Variants in DRC9 observed in about 807,000 individuals in gnomAD.
DRC9 encodes the protein dynein regulatory complex protein 9.
At chr3:197,892,550 TTCCTTCCAC>T in the DRC9 span, 1 of 1,556,190 alleles carries the variant, frequency 6.4e-7, no homozygotes, top group African/African-American at 1.4e-5. Context: ...AGTGCCCTAA[TTCCTTCCAC>T]TCCCTCCTCA....
At chr3:197,950,879 A>G in the DRC9 span, 1 of 1,545,346 alleles carries the variant, frequency 6.5e-7, no homozygotes, top group Non-Finnish European at 8.9e-7. Context: ...ACGAGAGGGG[A>G]CGAGGTGGGA....
chr3:197,950,860 G>A, the DRC9 span: 1 of 1,383,652 alleles, frequency 7.2e-7, no homozygotes, highest in Non-Finnish European at 1.0e-6. Flanking sequence ...ATTTGCTTTA[G>A]GGGCTTAAAC....
chr3:197,917,552 C>G, the DRC9 span, among the ~76,000 whole-genome samples: 1 of 152,142 alleles, frequency 6.6e-6, no homozygotes, highest in African/African-American at 2.4e-5. Flanking sequence ...ATTACTGGAC[C>G]TCACTAAGCC....
At chr3:197,897,937 A>ATTT in the DRC9 span, among the ~76,000 whole-genome samples, 15,873 of 132,842 alleles carry the variant, frequency 0.12, 1,028 homozygotes, top group South Asian at 0.17. Flanking sequence ...CGCCCAGCTA[A>ATTT]TTTTTTTTTT....
chr3:197,915,312 G>C, the DRC9 span, among the ~76,000 whole-genome samples: 1 of 151,094 alleles, frequency 6.6e-6, no homozygotes, highest in Admixed American at 6.6e-5. Context: ...TCCAGGAACT[G>C]AAAGAAAGCT....
the DRC9 span, chr3:197,906,248 G>GTTTTA: frequency 6.6e-6 from 1 of 152,112 alleles, no homozygotes; most frequent in Admixed American, 6.5e-5. Flanking sequence ...ACACCCGGCC[G>GTTTTA]CACTTGTCCA....
chr3:197,932,259 G>C, the DRC9 span: 2 of 1,612,672 alleles, frequency 1.2e-6, no homozygotes, highest in South Asian at 2.2e-5. Context: ...GCCGAATCTT[G>C]CAACTCCTTA....
the DRC9 span, among the ~76,000 whole-genome samples, chr3:197,915,352 G>A: frequency 6.6e-6 from 1 of 152,158 alleles, no homozygotes; most frequent in East Asian, 1.9e-4. Flanking sequence ...GAGGGTTGAG[G>A]GGAGGACAGG....
the DRC9 span, chr3:197,950,373 G>C: frequency 8.3e-7 from 1 of 1,210,290 alleles, no homozygotes; most frequent in Non-Finnish European, 1.0e-6. Flanking sequence ...TGGAGGAGAT[G>C]TTGGGCTGAT....
chr3:197,923,878 A>G, the DRC9 span, among the ~76,000 whole-genome samples: 37,191 of 151,912 alleles, frequency 0.24, 5,677 homozygotes, highest in African/African-American at 0.44. Context: ...ACCAGCCTGG[A>G]CAACAAAGCA....
the DRC9 span, chr3:197,953,932 G>A: frequency 1.3e-6 from 2 of 1,544,060 alleles, no homozygotes; most frequent in African/African-American, 1.4e-5. Context: ...AGCCACTCGT[G>A]TAGAGGTCAC....
At chr3:197,943,728 G>A in the DRC9 span, 2 of 1,483,074 alleles carry the variant, frequency 1.3e-6, no homozygotes, top group East Asian at 2.3e-5. Flanking sequence ...TATAAATGAG[G>A]GAGAAATAAA....
At chr3:197,925,724 C>T in the DRC9 span, among the ~76,000 whole-genome samples, 9 of 151,662 alleles carry the variant, frequency 5.9e-5, no homozygotes, top group Non-Finnish European at 1.2e-4. Flanking sequence ...GCTGGGATTA[C>T]GGGCACCTGC....
the DRC9 span, among the ~76,000 whole-genome samples, chr3:197,948,020 C>T: frequency 6.6e-6 from 1 of 151,176 alleles, no homozygotes; most frequent in Non-Finnish European, 1.5e-5. Flanking sequence ...GAAACCTCCC[C>T]CTACCAGGTT....
the DRC9 span, chr3:197,949,869 C>T: frequency 7.6e-6 from 3 of 392,824 alleles, no homozygotes; most frequent in African/African-American, 4.1e-5. Context: ...GCGGGAACAT[C>T]CTCCACTCAG....
At chr3:197,917,627 A>T in the DRC9 span, among the ~76,000 whole-genome samples, 1 of 152,170 alleles carries the variant, frequency 6.6e-6, no homozygotes, top group Non-Finnish European at 1.5e-5. Flanking sequence ...TGCTCAATAA[A>T]TGTTGATGAA....
the DRC9 span, among the ~76,000 whole-genome samples, chr3:197,900,937 G>A: frequency 0.023 from 3,497 of 152,268 alleles, 156 homozygotes; most frequent in African/African-American, 0.08. This position sits in a 1 kb window ranked among gnomAD's most constrained non-coding sequence, Gnocchi z 4.7. Flanking sequence ...TAACCAGCAG[G>A]GGTCCACAGG....
At chr3:197,912,433 C>A in the DRC9 span, 4 of 429,938 alleles carry the variant, frequency 9.3e-6, no homozygotes, top group Admixed American at 1.6e-4. Context: ...ATATAGAAAT[C>A]GAAAAATTTC....
chr3:197,927,014 C>T, the DRC9 span, among the ~76,000 whole-genome samples: 1 of 152,120 alleles, frequency 6.6e-6, no homozygotes, highest in African/African-American at 2.4e-5. Context: ...TGTCGGACAC[C>T]GGAGCCTGTG....
Sources: gnomAD v4.1 joint callset for allele counts (sites outside exome capture counted in the v4.1 genomes callset) on GRCh38, gnomAD v4.1.1 for gene constraint, Gnocchi (gnomAD v3.1) non-coding constraint, MANE v1.5 for transcripts, NCBI Gene and HGNC (gene_info 2026-07-23, HGNC 2026-07-21) for gene names.